The following COL11A1 variants were observed in gnomAD, a reference collection of about 807,000 sequenced individuals.
COL11A1 encodes collagen type XI alpha 1 chain, also known as collagen alpha-1(XI) chain.
Under a neutral mutation model 265.2 loss-of-function variants are expected in COL11A1, and 74 were observed. The ratio of observed to expected loss-of-function variants is 0.28; its 90% CI spans 0.23 to 0.34. The LOEUF (loss-of-function observed/expected upper bound fraction) is 0.34. Among genes scored for constraint, COL11A1 ranks in the 10% least tolerant of loss-of-function variants. The pLI is 1.00. For synonymous variants in COL11A1, 816 were observed against 727.6 expected (o/e 1.12, Z -1.96); for missense variants, 2,165 against 2,263.6 (o/e 0.96, Z 0.88).
chr1:103,058,967 TA>T (rs1234155170), intron 4 of COL11A1, among the ~76,000 whole-genome samples: 1 of 152,060 alleles, frequency 6.6e-6, no homozygotes, highest in Non-Finnish European at 1.5e-5. Context: ...ATAATAATAA[TA>T]AAAAGTTTAA....
chr1:103,018,630 A>T (rs2101918832), intron 10 of COL11A1, among the ~76,000 whole-genome samples, 188 bp downstream of exon 10: 1 of 152,296 alleles, frequency 6.6e-6, no homozygotes, highest in Middle Eastern at 3.4e-3. Context: ...TTTAAAACAA[A>T]ATTTAAAGAG....
chr1:103,078,688 A>G lies in COL11A1; in HGVS notation c.458T>C (p.Leu153Pro). The change falls in exon 3 of 67, where the codon CTC (leucine) becomes CCC (proline). Residue 153 changes from leucine to proline, a missense_variant. Leu to Pro is a moderately conservative substitution (Grantham distance 98). Transcript: ENST00000370096. ...GTCAGCGATGTTAACAGTTCTGAAG[A>G]GGGGATAGTCTTCTGGGGCAGGTTT... ...TGKPAPEDYP[L>P]FRTVNIADGK... is the part of the protein sequence containing the mutation. The G allele has an allele frequency of 6.2e-7, 1 of 1,613,414 alleles. No homozygotes were observed. Among genetic ancestry groups the G allele is most frequent in the Non-Finnish European group, 8.5e-7 (1 of 1,179,570 alleles).
intron 28 of COL11A1, among the ~76,000 whole-genome samples, chr1:102,992,772 ATTTTC>A (rs2101771617): frequency 6.6e-6 from 1 of 152,118 alleles, no homozygotes; most frequent in African/African-American, 2.4e-5. Context: ...TTTTTAGGGA[ATTTTC>A]TTTATTTTAC....
intron 15 of COL11A1, 69 bp from the exon 16 acceptor site, chr1:103,006,384 G>C (rs1665615550): frequency 1.6e-6 from 2 of 1,222,024 alleles, no homozygotes; most frequent in Non-Finnish European, 2.3e-6. Flanking sequence ...AGCATCAAGA[G>C]AGATGGTTTC....
chr1:103,064,947 T>C (rs1670982851), intron 4 of COL11A1, among the ~76,000 whole-genome samples: 1 of 152,052 alleles, frequency 6.6e-6, no homozygotes, highest in African/African-American at 2.4e-5. Context: ...GTAAAATTAT[T>C]CTTTTAGGTA....
intron 9 of COL11A1, among the ~76,000 whole-genome samples, chr1:103,020,042 T>C (rs1571057007): frequency 1.3e-5 from 2 of 150,452 alleles, no homozygotes; most frequent in African/African-American, 4.9e-5. Context: ...AATGCCGCAA[T>C]AAACATACAT....
intron 32 of COL11A1, 58 bp downstream of exon 32, chr1:102,979,324 A>G: frequency 2.2e-6 from 3 of 1,379,756 alleles, no homozygotes; most frequent in South Asian, 1.2e-5. Context: ...GGCACACACC[A>G]CTATGTCCAG....
intron 4 of COL11A1, among the ~76,000 whole-genome samples, chr1:103,034,251 T>C (rs1223777086): frequency 2.0e-5 from 3 of 151,436 alleles, no homozygotes; most frequent in South Asian, 4.2e-4. Context: ...TTCATCAACT[T>C]TGAGAAGTGT....
intron 6 of COL11A1, 117 bp downstream of exon 6, chr1:103,026,099 T>C: frequency 1.7e-6 from 2 of 1,191,302 alleles, no homozygotes; most frequent in South Asian, 2.4e-5. Flanking sequence ...CAGTTATTGG[T>C]TCAGAGAAAT....
At chr1:103,087,723 C>T (rs962656892) in intron 1 of COL11A1, among the ~76,000 whole-genome samples, 3 of 152,194 alleles carry the variant, frequency 2.0e-5, no homozygotes, top group Non-Finnish European at 4.4e-5. Context: ...GGTAATGCAT[C>T]TTCTGCAGAA....
chr1:103,062,838 T>TA (rs1201936883), intron 4 of COL11A1, among the ~76,000 whole-genome samples: 1 of 151,958 alleles, frequency 6.6e-6, no homozygotes, highest in South Asian at 2.1e-4. Context: ...ATTGTCTAGG[T>TA]AAAAAATCCA....
At chr1:102,919,009 C>T (rs915471968) in intron 49 of COL11A1, among the ~76,000 whole-genome samples, 3 of 152,000 alleles carry the variant, frequency 2.0e-5, no homozygotes, top group Non-Finnish European at 1.5e-5. Context: ...GGAGATGATG[C>T]AAAGAGAAGA....
intron 48 of COL11A1, among the ~76,000 whole-genome samples, chr1:102,921,305 T>C (rs755109844): frequency 1.3e-4 from 20 of 152,324 alleles, no homozygotes; most frequent in Middle Eastern, 3.4e-3. Flanking sequence ...ATGGAAAATG[T>C]GTACCTATGT....
chr1:102,878,475 C>CATATATATATATAAATATATAT (rs1649793121), intron 66 of COL11A1, among the ~76,000 whole-genome samples: 1 of 49,862 alleles, frequency 2.0e-5, no homozygotes, highest in African/African-American at 5.5e-5. Context: ...ATTGAATCCT[C>CATATATATATATAAATATATAT]ATATATATAT....
chr1:103,052,999 A>G (rs879836144), intron 4 of COL11A1, among the ~76,000 whole-genome samples: 1 of 152,234 alleles, frequency 6.6e-6, no homozygotes, highest in Non-Finnish European at 1.5e-5. Flanking sequence ...CAGGCTAATA[A>G]TAGACCTTAA....
intron 54 of COL11A1, among the ~76,000 whole-genome samples, chr1:102,899,702 T>A (rs906862648): frequency 3.3e-5 from 5 of 152,138 alleles, no homozygotes; most frequent in African/African-American, 1.2e-4. Flanking sequence ...CAGACTGTCT[T>A]GTTTTTCCAT....
At chr1:102,907,308 T>A (rs1463040) in intron 54 of COL11A1, among the ~76,000 whole-genome samples, 1 of 152,114 alleles carries the variant, frequency 6.6e-6, no homozygotes, top group East Asian at 1.9e-4. Flanking sequence ...AAAATTTTTA[T>A]GAGGTTATTT....
At chr1:102,982,300 G>A (rs1299021493) in intron 31 of COL11A1, among the ~76,000 whole-genome samples, 4 of 151,790 alleles carry the variant, frequency 2.6e-5, no homozygotes, top group East Asian at 1.9e-4. Flanking sequence ...GGGAAAAAAC[G>A]GGATTTTAAA....
intron 29 of COL11A1, 112 bp from the exon 30 acceptor site, chr1:102,987,852 C>A: frequency 1.3e-6 from 1 of 792,492 alleles, no homozygotes; most frequent in Non-Finnish European, 2.2e-6. Flanking sequence ...TCCATCTTGC[C>A]TTTTACCTTC....
Sources: allele counts gnomAD v4.1 joint callset (sites outside exome capture counted in the v4.1 genomes callset), GRCh38; gene constraint gnomAD v4.1.1; transcripts MANE v1.5; gene names NCBI Gene and HGNC (gene_info 2026-07-23, HGNC 2026-07-21).